The following CD38 variants were observed in gnomAD, a reference collection of about 807,000 sequenced individuals.
The protein encoded by CD38 is CD38 molecule, also known as ADP-ribosyl cyclase/cyclic ADP-ribose hydrolase 1.
A neutral mutation model predicts 36.3 loss-of-function variants in CD38; 31 were observed. That is an observed-to-expected ratio of 0.85 (90% CI 0.64 to 1.15). The LOEUF is 1.15. CD38 is among the 50% of genes most tolerant of loss of function. The pLI is 0.00. For missense variants in CD38, 380 were observed against 371.9 expected, an observed-to-expected ratio of 1.02 and a Z score of -0.18; for synonymous variants, 131 against 135.2, an observed-to-expected ratio of 0.97 and a Z score of 0.22.
chr4:15,820,480 A>G (rs1723708395), intron 2 of CD38, among the ~76,000 whole-genome samples: 1 of 152,222 alleles, frequency 6.6e-6, no homozygotes, highest in Admixed American at 6.5e-5. Flanking sequence ...GCTCAAAATA[A>G]GGGATGGAGG....
At chr4:15,782,431 T>C (rs556478487) in intron 1 of CD38, among the ~76,000 whole-genome samples, 2 of 152,346 alleles carry the variant, frequency 1.3e-5, no homozygotes, top group Admixed American at 6.5e-5. Context: ...TTTATTACCT[T>C]TTATCAATTA....
chr4:15,811,121 T>G (rs1050716437), intron 1 of CD38, among the ~76,000 whole-genome samples: 2 of 152,222 alleles, frequency 1.3e-5, no homozygotes, highest in African/African-American at 4.8e-5. Flanking sequence ...AATTGGGTTA[T>G]CCATTTATTA....
At chr4:15,785,571 C>T (rs1030006954) in intron 1 of CD38, among the ~76,000 whole-genome samples, 1 of 151,406 alleles carries the variant, frequency 6.6e-6, no homozygotes, top group African/African-American at 2.4e-5. Context: ...ACACTCATGG[C>T]TTCTCTGCTT....
intron 7 of CD38, among the ~76,000 whole-genome samples, chr4:15,842,029 C>T (rs1353614353): frequency 7.0e-6 from 1 of 142,162 alleles, no homozygotes; most frequent in East Asian, 2.1e-4. Context: ...ACAAAGCAGC[C>T]AGGAAGCTCG....
chr4:15,818,489 C>T lies in CD38; in HGVS notation c.363+1849C>T, dbSNP rs577546451. On this transcript the variant is annotated intron_variant, in intron 2 of 7. Coordinates refer to ENST00000226279, the MANE Select transcript of CD38 (RefSeq NM_001775.4). ...GACAAGAGGGATTCTCCCAGCACAG[C>T]ACACCAACTCTGCTAAAGGACGGAT... is the stretch of plus-strand genomic sequence containing the variant. Among the ~76,000 whole-genome samples, 4 of 152,336 alleles carry T rather than the reference C, an allele frequency of 2.6e-5. No individual in the cohort carries two copies. The South Asian group carries it at 8.3e-4, about 32-fold the overall frequency.
intron 1 of CD38, 136 bp from the exon 2 acceptor site, chr4:15,816,375 G>A: frequency 1.5e-6 from 1 of 649,078 alleles, no homozygotes; most frequent in East Asian, 3.0e-5. Context: ...TAGACTGCAT[G>A]TTAGACGAGA....
At chr4:15,818,750 T>TG (rs959651926) in intron 2 of CD38, among the ~76,000 whole-genome samples, 39 of 152,144 alleles carry the variant, frequency 2.6e-4, no homozygotes, top group African/African-American at 8.2e-4. Flanking sequence ...GTGGACCCCC[T>TG]GCACACTGCA....
In CD38 at chr4:15,848,727, A is replaced by G; in HGVS notation, c.*125A>G. ...GGTCCTCCACAATAAGGTCAATGCC[A>G]GAGACGGAAGCCTTTTTCCCCAAAG... On this transcript the variant is annotated 3_prime_UTR_variant, in exon 8 of 8. Transcript: ENST00000226279. 1 of 636,446 alleles carries G rather than the reference A, an allele frequency of 1.6e-6. No homozygotes were observed. Among genetic ancestry groups the G allele is most frequent in the Non-Finnish European group, 2.8e-6 (1 of 360,246 alleles). The allele number at this position is 636,446 out of a possible 1,614,324, so 39.4% of individuals were successfully genotyped here.
At chr4:15,791,612 TC>T (rs1722993368) in intron 1 of CD38, among the ~76,000 whole-genome samples, 1 of 85,332 alleles carries the variant, frequency 1.2e-5, no homozygotes, top group Non-Finnish European at 2.2e-5. Flanking sequence ...AGCCGCCCCG[TC>T]CGGGAGGGAG....
At chr4:15,790,030 A>G (rs562188666) in intron 1 of CD38, among the ~76,000 whole-genome samples, 1 of 152,284 alleles carries the variant, frequency 6.6e-6, no homozygotes, top group South Asian at 2.1e-4. Context: ...GGAGAGTGAA[A>G]CATAGAAATA....
chr4:15,802,177 A>G (rs1481666965), intron 1 of CD38, among the ~76,000 whole-genome samples: 1 of 152,140 alleles, frequency 6.6e-6, no homozygotes, highest in Non-Finnish European at 1.5e-5. Context: ...AAGGAACCCC[A>G]CTTACAATAG....
intron 6 of CD38, 148 bp downstream of exon 6, chr4:15,840,266 C>T: frequency 1.4e-6 from 1 of 732,444 alleles, no homozygotes; most frequent in Non-Finnish European, 2.4e-6. Flanking sequence ...TTAACTTTAT[C>T]TCCACAAAGG....
intron 2 of CD38, 68 bp from the exon 3 acceptor site, chr4:15,824,813 A>C: frequency 1.5e-6 from 2 of 1,299,828 alleles, no homozygotes; most frequent in South Asian, 2.6e-5. Flanking sequence ...CATTTACAAA[A>C]CTGTGGATTA....
intron 1 of CD38, among the ~76,000 whole-genome samples, chr4:15,784,055 CAG>C (rs1553872014): frequency 6.6e-6 from 1 of 152,206 alleles, no homozygotes; most frequent in Non-Finnish European, 1.5e-5. Context: ...AACCTGGGAA[CAG>C]AGCAACGCAA....
chr4:15,790,054 T>G (rs1244541465), intron 1 of CD38, among the ~76,000 whole-genome samples: 2 of 151,376 alleles, frequency 1.3e-5, no homozygotes, highest in Non-Finnish European at 2.9e-5. Flanking sequence ...GGGGAGAACA[T>G]CCTAGGTAAA....
intron 7 of CD38, among the ~76,000 whole-genome samples, chr4:15,848,090 C>T (rs1036115366): frequency 6.6e-6 from 1 of 152,176 alleles, no homozygotes; most frequent in Non-Finnish European, 1.5e-5. Context: ...CCACCATCCC[C>T]CTATTCATGT....
chr4:15,841,582 C>G (rs1724207279), intron 7 of CD38, among the ~76,000 whole-genome samples: 1 of 148,292 alleles, frequency 6.7e-6, no homozygotes, highest in Admixed American at 6.6e-5. Context: ...AGGAACAGCT[C>G]CGGTCTACAG....
intron 4 of CD38, 144 bp from the exon 5 acceptor site, chr4:15,837,948 A>G (rs1724105966): frequency 3.1e-6 from 2 of 647,074 alleles, no homozygotes; most frequent in Non-Finnish European, 2.7e-6. Context: ...TGGAATAAAA[A>G]TTGTGTAGAC....
Position 15,778,705 on chromosome 4 carries a change from G to T in CD38, c.233+58G>T. 1 of 1,250,036 alleles carries T rather than the reference G, an allele frequency of 8.0e-7. No individual in the cohort carries two copies. The highest frequency in any genetic ancestry group is 2.4e-5 in the East Asian group (1 of 42,272). 77.4% of individuals were successfully genotyped at this position (1,250,036 alleles called of 1,614,324 possible). A position where few individuals can be genotyped will look rare whatever the true frequency, so the allele number is the denominator to read the frequency against. ...CTGCGGGGACAGCAGGGCCCCGCGC[G>T]CAGGGAAGCCGCCCGGATCGCCCGG... On this transcript the variant is annotated intron_variant, in intron 1 of 7. Coordinates refer to ENST00000226279, the MANE Select transcript of CD38 (RefSeq NM_001775.4). This position sits in a 1 kb window ranked among gnomAD's most constrained non-coding sequence, Gnocchi z 4.9.
Sources: allele counts gnomAD v4.1 joint callset (sites outside exome capture counted in the v4.1 genomes callset), GRCh38; gene constraint gnomAD v4.1.1; non-coding constraint Gnocchi (gnomAD v3.1); transcripts MANE v1.5; gene names NCBI Gene and HGNC (gene_info 2026-07-23, HGNC 2026-07-21).